REPS2: variants seen among roughly 807,000 people sequenced by gnomAD.
REPS2 encodes the protein ralBP1-associated Eps domain-containing protein 2.
Under a neutral mutation model 53.6 loss-of-function variants are expected in REPS2, and 23 were observed. The ratio of observed to expected loss-of-function variants is 0.43; its 90% CI spans 0.31 to 0.61. The LOEUF (loss-of-function observed/expected upper bound fraction) is 0.61. Ranked by LOEUF, REPS2 falls within the 20% of genes least tolerant of loss-of-function variation. The pLI is 0.11. For synonymous variants in REPS2, 238 were observed against 218.6 expected (o/e 1.09, Z -0.78); for missense variants, 446 against 534.9 (o/e 0.83, Z 1.64).
At chrX:17,112,860 G>A (rs1242873367) in intron 14 of REPS2, among the ~76,000 whole-genome samples, 2 of 109,470 alleles carry the variant, frequency 1.8e-5, no homozygotes, top group African/African-American at 3.3e-5. Context: ...AAACCAAGAC[G>A]GGTGGATCAC....
chrX:17,067,975 C>A (rs1824420689), intron 9 of REPS2, among the ~76,000 whole-genome samples: 1 of 111,573 alleles, frequency 9.0e-6, no homozygotes, highest in African/African-American at 3.3e-5. Flanking sequence ...GTATTAAATG[C>A]AGGGTTTACT....
At chrX:17,058,147 A>G (rs1417743097) in intron 8 of REPS2, among the ~76,000 whole-genome samples, 1 of 111,742 alleles carries the variant, frequency 8.9e-6, no homozygotes, top group Non-Finnish European at 1.9e-5. Flanking sequence ...TGTTTCACAG[A>G]CTATTTCAAA....
chrX:17,011,094 T>C (rs1399479410), intron 2 of REPS2, among the ~76,000 whole-genome samples: 1 of 61,246 alleles, frequency 1.6e-5, no homozygotes, highest in Admixed American at 2.1e-4. Context: ...TGTGTGTGTG[T>C]GTGTGTAGTT....
At position 17,077,304 on chromosome X, in the gene REPS2, G is replaced by T. The variant is rs767819222; in HGVS notation, c.1413G>T (p.Met471Ile). The T allele has an allele frequency of 4.1e-6, 5 of 1,205,694 alleles. No homozygotes were observed. The highest frequency in any genetic ancestry group is 5.6e-6 in the Non-Finnish European group (5 of 893,461). ...CTAGCACCTCCATAGAAGAGGCCAT[G>T]AAAAGGGGCGAGGACCCTCCCACCC... is the stretch of plus-strand genomic sequence containing the variant. ...SYSSTSIEEA[M>I]KRGEDPPTPP... Residue 471 changes from methionine to isoleucine, a missense_variant, in exon 13 of 18, where the codon ATG (methionine) becomes ATT (isoleucine). Met to Ile is a conservative substitution (Grantham distance 10). Coordinates refer to ENST00000357277, the MANE Select transcript of REPS2 (RefSeq NM_004726.3).
chrX:17,072,257 A>G (rs1184323670), intron 11 of REPS2, among the ~76,000 whole-genome samples: 1 of 112,749 alleles, frequency 8.9e-6, no homozygotes, highest in Non-Finnish European at 1.9e-5. Flanking sequence ...ATATTTTGCA[A>G]TTCTAAAGTA....
intron 5 of REPS2, among the ~76,000 whole-genome samples, chrX:17,045,493 A>G (rs1206306434): frequency 9.1e-6 from 1 of 110,259 alleles, no homozygotes; most frequent in Non-Finnish European, 1.9e-5. Context: ...TGCTTTGTAC[A>G]TATCAAAACA....
intron 14 of REPS2, among the ~76,000 whole-genome samples, chrX:17,114,259 TACTA>T (rs915267324): frequency 1.8e-5 from 2 of 112,471 alleles, no homozygotes; most frequent in African/African-American, 6.5e-5. Context: ...AGTGAATTTC[TACTA>T]ACTCTTTTTA....
At chrX:16,958,352 C>T (rs938662817) in intron 1 of REPS2, among the ~76,000 whole-genome samples, 4 of 111,550 alleles carry the variant, frequency 3.6e-5, no homozygotes, top group African/African-American at 1.3e-4. Flanking sequence ...ATAAGACAGT[C>T]TAGGATCAAG....
At chrX:17,168,904 A>AC in the REPS2 span, among the ~76,000 whole-genome samples, 1 of 112,333 alleles carries the variant, frequency 8.9e-6, no homozygotes, top group Non-Finnish European at 1.9e-5. Context: ...GCTGGCTTTG[A>AC]CATGCTTTGT....
intron 5 of REPS2, among the ~76,000 whole-genome samples, chrX:17,035,913 T>G (rs771212203): frequency 8.9e-6 from 1 of 112,353 alleles, no homozygotes; most frequent in East Asian, 2.8e-4. Flanking sequence ...ACATCTAACA[T>G]GCATTTAGCA....
At chrX:17,182,947 C>T in the REPS2 span, among the ~76,000 whole-genome samples, 1 of 112,245 alleles carries the variant, frequency 8.9e-6, no homozygotes, top group African/African-American at 3.2e-5. Flanking sequence ...CTCCAGAGTC[C>T]ATGATTTTAA....
At chrX:17,041,305 G>A (rs2061826740) in intron 5 of REPS2, among the ~76,000 whole-genome samples, 1 of 111,434 alleles carries the variant, frequency 9.0e-6, no homozygotes, top group African/African-American at 3.3e-5. Context: ...CAGCCACTTA[G>A]TGACACCTCT....
chrX:16,991,974 C>T (rs981912989), intron 1 of REPS2, among the ~76,000 whole-genome samples: 13 of 111,294 alleles, frequency 1.2e-4, no homozygotes, highest in South Asian at 7.5e-4. Flanking sequence ...ATAATAAATA[C>T]ATTTCTGTTG....
At chrX:17,073,823 GGGGT>G (rs1269519426) in intron 11 of REPS2, among the ~76,000 whole-genome samples, 5 of 106,859 alleles carry the variant, frequency 4.7e-5, no homozygotes, top group African/African-American at 1.7e-4. Flanking sequence ...CCCTTTCAAG[GGGGT>G]TGTCTTTTTA....
chrX:17,178,740 C>T, the REPS2 span, among the ~76,000 whole-genome samples: 3 of 111,255 alleles, frequency 2.7e-5, no homozygotes, highest in Non-Finnish European at 3.8e-5. Context: ...TCATCCTGGC[C>T]AACATGGTGA....
chrX:17,104,031 G>A (rs982297459), intron 14 of REPS2, among the ~76,000 whole-genome samples: 3 of 111,682 alleles, frequency 2.7e-5, no homozygotes, highest in Non-Finnish European at 5.6e-5. Flanking sequence ...CTGTCCAGGG[G>A]TGCGTCTGTT....
At chrX:17,194,897 A>G in the REPS2 span, among the ~76,000 whole-genome samples, 16 of 112,461 alleles carry the variant, frequency 1.4e-4, no homozygotes, top group South Asian at 3.7e-4. Context: ...AATTACCTCA[A>G]CAAAATTTTC....
intron 5 of REPS2, among the ~76,000 whole-genome samples, chrX:17,037,677 AAG>A (rs778896256): frequency 9.7e-4 from 109 of 112,539 alleles, no homozygotes; most frequent in African/African-American, 3.4e-3. Flanking sequence ...TTGACAATAA[AAG>A]AGATGTTTAG....
At chrX:17,050,141 C>CCTTCCTTCCTTCCTTTCTTT (rs1555926667) in intron 6 of REPS2, among the ~76,000 whole-genome samples, 7 of 20,380 alleles carry the variant, frequency 3.4e-4, no homozygotes, top group Admixed American at 9.7e-4. Flanking sequence ...TTCCTTTCTT[C>CCTTCCTTCCTTCCTTTCTTT]CTTTCTTTCT....
Sources: allele counts gnomAD v4.1 joint callset (sites outside exome capture counted in the v4.1 genomes callset), GRCh38; gene constraint gnomAD v4.1.1; transcripts MANE v1.5; gene names NCBI Gene and HGNC (gene_info 2026-07-23, HGNC 2026-07-21).